Variants in NLRP2 observed in about 807,000 individuals in gnomAD.
The protein encoded by NLRP2 is NLR family pyrin domain containing 2.
NLRP2 carries 107 observed loss-of-function variants against 97.2 expected under a neutral mutation model. The ratio of observed to expected loss-of-function variants is 1.10; its 90% CI spans 0.94 to 1.29. The LOEUF is 1.29. NLRP2 is among the 50% of genes most tolerant of loss of function. NLRP2 has a pLI of 0.00. For missense variants in NLRP2, 1,495 were observed against 1,330.3 expected, an observed-to-expected ratio of 1.12 and a Z score of -1.93; for synonymous variants, 663 against 551.5, an observed-to-expected ratio of 1.20 and a Z score of -2.83.
At chr19:54,973,188 C>CA (rs535718658) in intron 2 of NLRP2, among the ~76,000 whole-genome samples, 2,396 of 131,220 alleles carry the variant, frequency 0.018, 57 homozygotes, top group African/African-American at 0.057. Flanking sequence ...GACTCCATCT[C>CA]AAAAAAAAAA....
At chr19:54,986,366 C>A (rs769353343) in intron 8 of NLRP2, 51 bp downstream of exon 8, 1 of 1,520,716 alleles carries the variant, frequency 6.6e-7, no homozygotes, top group East Asian at 2.2e-5. Flanking sequence ...TAAGCTACCA[C>A]AAGCTTATGT....
intron 2 of NLRP2, chr19:54,974,277 C>T (rs1023170272): frequency 6.6e-6 from 4 of 606,312 alleles, no homozygotes; most frequent in African/African-American, 5.6e-5. Flanking sequence ...TCGCTTGAAC[C>T]TGGGAGGCAG....
chr19:54,974,256 A>T, intron 2 of NLRP2: 1 of 591,262 alleles, frequency 1.7e-6, no homozygotes, highest in East Asian at 3.0e-5. Flanking sequence ...CAGGAAGCTG[A>T]GGCAGGAGAA....
At chr19:54,993,199 T>G (rs952151561) in intron 10 of NLRP2, 2 of 143,904 alleles carry the variant, frequency 1.4e-5, no homozygotes, top group African/African-American at 5.3e-5. Flanking sequence ...AGCCTGGGTG[T>G]CAGAGCGAGA....
At chr19:54,977,312 T>A (rs968054259) in intron 3 of NLRP2, among the ~76,000 whole-genome samples, 2 of 151,840 alleles carry the variant, frequency 1.3e-5, no homozygotes, top group Non-Finnish European at 2.9e-5. Context: ...TCCCAGCTAC[T>A]CCGGAGGCCG....
At chr19:54,990,385 T>C in intron 9 of NLRP2, 117 bp from the exon 10 acceptor site, 1 of 1,153,078 alleles carries the variant, frequency 8.7e-7, no homozygotes, top group Non-Finnish European at 1.3e-6. Context: ...CACCAGTGCA[T>C]GATAGAAGGT....
Position 54,982,603 on chromosome 19 carries a change from AG to A in NLRP2, c.907del (p.Asp303ThrfsTer20). The A allele has an allele frequency of 1.2e-6, 2 of 1,614,128 alleles. No individual in the cohort carries two copies. The highest frequency in any genetic ancestry group is 8.5e-7 in the Non-Finnish European group (1 of 1,180,020). On this transcript the variant is annotated frameshift_variant, in exon 6 of 13. Coordinates refer to ENST00000448584, the MANE Select transcript of NLRP2 (RefSeq NM_017852.5). LOFTEE classifies it high-confidence loss of function. The stretch of plus-strand genomic sequence containing the variant: ...GGAGCCGCACCTGGGGCGCTGATCG[AG>A]GACATCTGCGGGGACTGGGAGAAGA... Reference protein sequence around the residue: ...ELGAAPGALIEDICGDWEKKK... With the variant: ...ELGAAPGALIXDICGDWEKKK...
chr19:54,967,607 C>T (rs2070543505), intron 1 of NLRP2, among the ~76,000 whole-genome samples: 1 of 151,628 alleles, frequency 6.6e-6, no homozygotes, highest in Non-Finnish European at 1.5e-5. Context: ...TATTTCTGTT[C>T]TCTTGGGGGA....
intron 12 of NLRP2, among the ~76,000 whole-genome samples, chr19:55,000,266 C>CT (rs1424669017): frequency 1.1e-5 from 1 of 88,588 alleles, no homozygotes; most frequent in Non-Finnish European, 2.1e-5. Context: ...AACAGAGAGA[C>CT]TGTCTTTTTT....
rs549806362 is a variant in NLRP2 at position 54,979,383 on chromosome 19, C to G, written c.397+1560C>G. 1.3e-4 allele frequency among the ~76,000 whole-genome samples: 20 copies of G among 152,124 alleles called. No homozygotes were observed. The South Asian group carries it at 4.2e-3, about 32-fold the overall frequency. ...TTGAGAAAGAGTTTTGCCCTTGTCG[C>G]CCAGGCTAGAGTGCAATGGTGTGAT... On this transcript the variant is annotated intron_variant, in intron 4 of 12. Transcript: ENST00000448584.
intron 12 of NLRP2, among the ~76,000 whole-genome samples, chr19:54,998,857 G>A (rs2073014208): frequency 6.6e-6 from 1 of 150,742 alleles, no homozygotes; most frequent in African/African-American, 2.5e-5. Context: ...GCTGCCTTCA[G>A]GATCTGTTTA....
chr19:54,988,579 G>A (rs1445624619), intron 8 of NLRP2, among the ~76,000 whole-genome samples: 2 of 152,086 alleles, frequency 1.3e-5, no homozygotes, highest in Non-Finnish European at 2.9e-5. Context: ...ATTTAGTAGA[G>A]CCGGGGTTTC....
rs558518586 is a variant in NLRP2, at chr19:54,975,106, GTTTTTTTTTTTTTTTTTTTTT to G, written c.325+579_325+599del. Among the ~76,000 whole-genome samples, 276 of 58,710 alleles carry G rather than the reference GTTTTTTTTTTTTTTTTTTTTT, an allele frequency of 4.7e-3. 6 individuals are homozygous for G. Among genetic ancestry groups the G allele is most frequent in the South Asian group, 0.023 (34 of 1,506 alleles). 38.5% of individuals were successfully genotyped at this position (58,710 alleles called of 152,430 possible). A position where few individuals can be genotyped will look rare whatever the true frequency, so the allele number is the denominator to read the frequency against. On this transcript the variant is annotated intron_variant, in intron 3 of 12. Coordinates refer to ENST00000448584, the MANE Select transcript of NLRP2 (RefSeq NM_017852.5). Reference sequence around the variant, plus strand: ...ATGAGCCACCACCACACCCGGTTTTGTTTTTTTTTTTTTTTTTTTTTTTTTTTTTTTTTTTTTGAAACAGGG... The same window carrying G: ...ATGAGCCACCACCACACCCGGTTTTGTTTTTTTTTTTTTTTTGAAACAGGG...
chr19:54,981,158 A>G (rs1204077082), intron 4 of NLRP2, among the ~76,000 whole-genome samples: 1 of 151,984 alleles, frequency 6.6e-6, no homozygotes, highest in African/African-American at 2.4e-5. Context: ...GCCCTGAACC[A>G]TGGAGGAAAG....
chr19:54,998,630 CCTTTTTTTTTTTTTTTT>C (rs2072990909), intron 12 of NLRP2, among the ~76,000 whole-genome samples: 598 of 32,282 alleles, frequency 0.019, 5 homozygotes, highest in African/African-American at 0.066. Flanking sequence ...TTTTTTTTTT[CCTTTTTTTTTTTTTTTT>C]TTTTTATTGA....
At chr19:54,968,473 T>C (rs1183628639) in intron 1 of NLRP2, among the ~76,000 whole-genome samples, 1 of 149,234 alleles carries the variant, frequency 6.7e-6, no homozygotes, top group Non-Finnish European at 1.5e-5. Context: ...TACAGGTGCA[T>C]GCCACTATGC....
In NLRP2 at chr19:54,986,185, A is replaced by C; in HGVS notation, c.2236A>C (p.Asn746His). 6.2e-7 allele frequency: 1 copy of C among 1,613,744 alleles called. No individual in the cohort carries two copies. Among genetic ancestry groups the C allele is most frequent in the South Asian group, 1.1e-5 (1 of 91,082 alleles). The stretch of plus-strand genomic sequence containing the variant: ...CATTTCCCCAGCTGATGCTCATCGG[A>C]ACCTCTGCCTAGCTCTTCGAGGTCA... ...KNISPADAHR[N>H]LCLALRGHKT... Residue 746 changes from asparagine (N) to histidine (H), a missense_variant, in exon 8 of 13, where the codon AAC (asparagine) becomes CAC (histidine). By Grantham distance (68) the Asn-to-His change is moderately conservative. Coordinates refer to ENST00000448584, the MANE Select transcript of NLRP2 (RefSeq NM_017852.5).
rs921645528 is a variant in NLRP2 at position 54,986,613 on chromosome 19, C to T, written c.2366+298C>T. Among the ~76,000 whole-genome samples, 3 of 151,464 alleles carry T rather than the reference C, an allele frequency of 2.0e-5. No homozygotes were observed. In the South Asian group the frequency reaches 6.2e-4, roughly 32 times the overall value. On this transcript the variant is annotated intron_variant, in intron 8 of 12. Coordinates refer to ENST00000448584, the MANE Select transcript of NLRP2 (RefSeq NM_017852.5). ...TTGCCCAGGCCAAAGTGCAATGGCA[C>T]GATCTTGGCTCACTGCAACCTCTGT...
chr19:54,973,171 A>G (rs1304768616), intron 2 of NLRP2, among the ~76,000 whole-genome samples: 1 of 151,392 alleles, frequency 6.6e-6, no homozygotes, highest in Non-Finnish European at 1.5e-5. Context: ...AGCCTGGGTG[A>G]CAGCAAGACT....
Sources: allele counts gnomAD v4.1 joint callset (sites outside exome capture counted in the v4.1 genomes callset), GRCh38; gene constraint gnomAD v4.1.1; transcripts MANE v1.5; gene names NCBI Gene and HGNC (gene_info 2026-07-23, HGNC 2026-07-21).